ATR: variants seen among roughly 807,000 people sequenced by gnomAD.
The protein encoded by ATR is serine/threonine-protein kinase ATR.
In ATR, 142 loss-of-function variants were observed where a neutral mutation model predicts 305.3. That is an observed-to-expected ratio of 0.47 (90% CI 0.41 to 0.53). The LOEUF (loss-of-function observed/expected upper bound fraction) is 0.53. Ranked by LOEUF, ATR falls within the 20% of genes least tolerant of loss-of-function variation. The probability of loss-of-function intolerance (pLI) is 0.00; values close to 1 mark genes in which losing one functional copy is unlikely to be tolerated. For synonymous variants in ATR, 1,050 were observed against 1,068.1 expected (o/e 0.98, Z 0.33); for missense variants, 2,135 against 3,133.1 (o/e 0.68, Z 7.60).
At chr3:142,554,919 C>T (rs902406587) in intron 10 of ATR, among the ~76,000 whole-genome samples, 5 of 150,386 alleles carry the variant, frequency 3.3e-5, no homozygotes, top group African/African-American at 1.2e-4. Context: ...CAGAGCAAGA[C>T]CCTGTCTCTT....
chr3:142,565,353 T>A (rs1344932327), intron 3 of ATR, among the ~76,000 whole-genome samples: 1 of 152,130 alleles, frequency 6.6e-6, no homozygotes, highest in African/African-American at 2.4e-5. Flanking sequence ...TTAAAATACT[T>A]TATCCATTAT....
At chr3:142,531,226 C>G (rs1195716934) in intron 21 of ATR, among the ~76,000 whole-genome samples, 1 of 151,460 alleles carries the variant, frequency 6.6e-6, no homozygotes, top group African/African-American at 2.4e-5. Context: ...ACCTGAAAGT[C>G]TCTAGCAGTT....
chr3:142,565,738 A>AAG (rs2035046819), intron 3 of ATR, among the ~76,000 whole-genome samples: 2 of 147,552 alleles, frequency 1.4e-5, no homozygotes, highest in Non-Finnish European at 3.0e-5. Flanking sequence ...TTATTTAAAA[A>AAG]AAAAAAAAAA....
chr3:142,575,787 C>T (rs2035417303), intron 1 of ATR, among the ~76,000 whole-genome samples: 2 of 152,174 alleles, frequency 1.3e-5, no homozygotes, highest in South Asian at 2.1e-4. Flanking sequence ...CAGGAACAGC[C>T]TTGGTATCCT....
At position 142,568,485 on chromosome 3, in the gene ATR, T is replaced by C. The variant is rs1392507170; in HGVS notation, c.60-331A>G. 3.3e-5 allele frequency among the ~76,000 whole-genome samples: 5 copies of C among 152,184 alleles called. No homozygotes were observed. The South Asian group carries it at 1.0e-3, about 32-fold the overall frequency. On this transcript the variant is annotated intron_variant, in intron 1 of 46. Transcript: ENST00000350721. ...GCTATTGATGGCAGTGGCAGCCCAG[T>C]TGGAGCGGTGAGGAAGGTGGTGCTA...
At chr3:142,510,971 G>C (rs1250000846) in intron 27 of ATR, among the ~76,000 whole-genome samples, 3 of 152,054 alleles carry the variant, frequency 2.0e-5, no homozygotes, top group African/African-American at 7.2e-5. Context: ...AACAGTGCAA[G>C]GTAAGATAGA....
At chr3:142,577,366 T>C (rs77637732) in intron 1 of ATR, among the ~76,000 whole-genome samples, 1 of 152,148 alleles carries the variant, frequency 6.6e-6, no homozygotes, top group African/African-American at 2.4e-5. Context: ...GGCAAAAATA[T>C]ACTCAGCTTC....
At chr3:142,541,928 G>T (rs1406662613) in intron 17 of ATR, among the ~76,000 whole-genome samples, 1 of 151,928 alleles carries the variant, frequency 6.6e-6, no homozygotes. Context: ...TCCATTCGTA[G>T]GTGTTTTTTG....
chr3:142,554,834 T>C (rs1345463400), intron 10 of ATR, among the ~76,000 whole-genome samples: 2 of 151,320 alleles, frequency 1.3e-5, no homozygotes, highest in Admixed American at 6.6e-5. Flanking sequence ...GGTGGGAGGA[T>C]CACTTGAGCC....
chr3:142,498,411 C>T (rs983492567), intron 32 of ATR, among the ~76,000 whole-genome samples, 186 bp downstream of exon 32: 4 of 152,178 alleles, frequency 2.6e-5, no homozygotes, highest in Non-Finnish European at 4.4e-5. Context: ...AGTTGCCTTT[C>T]CTTAAAAGGA....
intron 21 of ATR, among the ~76,000 whole-genome samples, chr3:142,530,263 G>A (rs1338491296): frequency 4.0e-5 from 6 of 151,392 alleles, no homozygotes; most frequent in East Asian, 1.9e-4. Flanking sequence ...AATCACCCTC[G>A]TTTCATCTTG....
chr3:142,569,487 A>AT (rs1439963561), intron 1 of ATR, among the ~76,000 whole-genome samples: 3 of 151,786 alleles, frequency 2.0e-5, no homozygotes, highest in African/African-American at 7.2e-5. Context: ...CACCCAGCTA[A>AT]TTTTTTGTAT....
chr3:142,569,253 G>A (rs2035181291), intron 1 of ATR, among the ~76,000 whole-genome samples: 1 of 152,156 alleles, frequency 6.6e-6, no homozygotes, highest in African/African-American at 2.4e-5. Context: ...ACCTGCAGTG[G>A]ACAAGGGTTC....
chr3:142,479,019 C>T (rs1276525567), intron 36 of ATR, among the ~76,000 whole-genome samples: 2 of 152,146 alleles, frequency 1.3e-5, no homozygotes, highest in Non-Finnish European at 2.9e-5. Flanking sequence ...ATACAGCACA[C>T]TGATGGGTCT....
At chr3:142,471,586 T>G (rs13322577) in intron 36 of ATR, among the ~76,000 whole-genome samples, 1 of 152,184 alleles carries the variant, frequency 6.6e-6, no homozygotes, top group East Asian at 1.9e-4. Flanking sequence ...GTGCACAACA[T>G]AATGTTTTTG....
intron 13 of ATR, among the ~76,000 whole-genome samples, 181 bp from the exon 14 acceptor site, chr3:142,550,483 C>T (rs1383412215): frequency 3.9e-5 from 6 of 152,146 alleles, no homozygotes; most frequent in Non-Finnish European, 4.4e-5. Context: ...TCACAGATGA[C>T]ATAATCAGAC....
At chr3:142,542,535 A>G (rs2034090573) in intron 17 of ATR, 130 bp downstream of exon 17, 1 of 894,790 alleles carries the variant, frequency 1.1e-6, no homozygotes, top group Admixed American at 2.2e-5. Flanking sequence ...AAAAACGTAT[A>G]TGAGTTCTTC....
intron 24 of ATR, among the ~76,000 whole-genome samples, chr3:142,517,108 T>G (rs1350353431): frequency 6.6e-6 from 1 of 151,316 alleles, no homozygotes; most frequent in Non-Finnish European, 1.5e-5. Context: ...ATCCCTATTT[T>G]GAATCATCAC....
chr3:142,550,641 T>C (rs2034439976), intron 13 of ATR, among the ~76,000 whole-genome samples: 2 of 152,188 alleles, frequency 1.3e-5, no homozygotes, highest in African/African-American at 4.8e-5. Flanking sequence ...CAGTTTACTA[T>C]CACTAAAAAG....
Sources: gnomAD v4.1 joint callset for allele counts (sites outside exome capture counted in the v4.1 genomes callset) on GRCh38, gnomAD v4.1.1 for gene constraint, MANE v1.5 for transcripts, NCBI Gene and HGNC (gene_info 2026-07-23, HGNC 2026-07-21) for gene names.